The following RNF125 variants were observed in gnomAD, a reference collection of about 807,000 sequenced individuals.
RNF125 encodes the protein E3 ubiquitin-protein ligase RNF125.
A neutral mutation model predicts 26.0 loss-of-function variants in RNF125; 21 were observed. The ratio of observed to expected loss-of-function variants is 0.81; its 90% confidence interval spans 0.57 to 1.16. The LOEUF (loss-of-function observed/expected upper bound fraction) is 1.16. Ranked by LOEUF, RNF125 falls within the 50% of genes most tolerant of loss-of-function variation. The probability of loss-of-function intolerance (pLI) is 0.00; values close to 1 mark genes in which losing one functional copy is unlikely to be tolerated. For missense variants in RNF125, 270 were observed against 299.4 expected (o/e 0.90, Z 0.72); for synonymous variants, 95 against 109.2 (o/e 0.87, Z 0.81).
intron 1 of RNF125, among the ~76,000 whole-genome samples, chr18:32,022,018 A>C (rs1206213421): frequency 1.8e-4 from 28 of 152,206 alleles, no homozygotes; most frequent in Non-Finnish European, 1.0e-4. Context: ...CACTTTATAA[A>C]TGTTAACCAG....
At position 32,073,138 on chromosome 18, in the gene RNF125, G is replaced by T. The variant is rs901444335; in HGVS notation, c.*4754G>T. ...ATGTGTGATTCTTTTTCTTCTGTAAGTATGTATTGCTATGATAAATAAAAA... is the reference window on the plus strand; with the variant it reads ...ATGTGTGATTCTTTTTCTTCTGTAATTATGTATTGCTATGATAAATAAAAA... On this transcript the variant is annotated 3_prime_UTR_variant, in exon 6 of 6. Transcript: ENST00000217740. 2 of 152,218 alleles carry T rather than the reference G, an allele frequency of 1.3e-5. No individual in the cohort carries two copies. The highest frequency in any genetic ancestry group is 3.9e-4 in the East Asian group (2 of 5,186). 9.4% of individuals were successfully genotyped at this position (152,218 alleles called of 1,614,324 possible). A position where few individuals can be genotyped will look rare whatever the true frequency, so the allele number is the denominator to read the frequency against.
At chr18:32,067,990 A>G (rs1355114052) in intron 5 of RNF125, among the ~76,000 whole-genome samples, 2 of 152,254 alleles carry the variant, frequency 1.3e-5, no homozygotes, top group East Asian at 3.8e-4. Flanking sequence ...TATGTGGAAC[A>G]TAGCACTCTG....
chr18:32,076,505 G>T (rs1039166328), downstream of RNF125, among the ~76,000 whole-genome samples: 7 of 152,020 alleles, frequency 4.6e-5, no homozygotes, highest in African/African-American at 1.7e-4. Flanking sequence ...TTGTAGAAAT[G>T]GAGGTCTCAC....
chr18:32,019,620 C>T (rs79228121), intron 1 of RNF125, among the ~76,000 whole-genome samples: 7,254 of 152,058 alleles, frequency 0.048, 199 homozygotes, highest in Middle Eastern at 0.069. Flanking sequence ...CCAACACAGA[C>T]ACCCAGCCCC....
chr18:32,045,517 T>C (rs1257331893), intron 3 of RNF125, 125 bp from the exon 4 acceptor site: 1 of 480,792 alleles, frequency 2.1e-6, no homozygotes, highest in African/African-American at 2.2e-5. Context: ...GCTGAGATCA[T>C]GCCACTGCAC....
chr18:32,026,347 C>T (rs2039036118), intron 1 of RNF125, among the ~76,000 whole-genome samples: 1 of 145,026 alleles, frequency 6.9e-6, no homozygotes, highest in African/African-American at 2.6e-5. Context: ...CTCCCGGGTT[C>T]AAGCAATTCT....
chr18:32,080,037 G>T, the RNF125 span, among the ~76,000 whole-genome samples: 1 of 152,016 alleles, frequency 6.6e-6, no homozygotes, highest in East Asian at 1.9e-4. Flanking sequence ...TTTTTGTTTT[G>T]TTTTGTTTTG....
intron 4 of RNF125, among the ~76,000 whole-genome samples, chr18:32,058,537 G>A (rs796692993): frequency 1.3e-4 from 20 of 152,074 alleles, no homozygotes; most frequent in African/African-American, 1.7e-4. Flanking sequence ...GTAGAGACAG[G>A]GTTTCACCAC....
chr18:32,048,471 AG>A (rs1191852326), intron 4 of RNF125, among the ~76,000 whole-genome samples: 1 of 151,806 alleles, frequency 6.6e-6, no homozygotes, highest in East Asian at 1.9e-4. Flanking sequence ...TCAAAAAAAA[AG>A]AGAGAAAATC....
chr18:32,081,690 G>A, the RNF125 span, among the ~76,000 whole-genome samples: 1 of 152,054 alleles, frequency 6.6e-6, no homozygotes, highest in Non-Finnish European at 1.5e-5. Context: ...GGAGAGAAAA[G>A]GATACAATTC....
rs1196922449 is a variant in RNF125 at position 32,070,749 on chromosome 18, G to C, written c.*2365G>C. On this transcript the variant is annotated 3_prime_UTR_variant, in exon 6 of 6. Transcript: ENST00000217740. ...TGGAGTCTCGCGCTCTTGTTGCCCA[G>C]GCTGGAGTGCAATGGCACGATCTCG... The C allele has an allele frequency of 1.3e-5, 2 of 149,468 alleles. No homozygotes were observed. The highest frequency in any genetic ancestry group is 3.0e-5 in the Non-Finnish European group (2 of 67,718). The allele number at this position is 149,468 out of a possible 1,614,324, so 9.3% of individuals were successfully genotyped here. A position where few individuals can be genotyped will look rare whatever the true frequency, so the allele number is the denominator to read the frequency against.
rs930382376 is a variant in RNF125, at chr18:32,070,547, C to T, written c.*2163C>T. The T allele has an allele frequency of 1.3e-5, 2 of 152,178 alleles. No individual in the cohort carries two copies. Among genetic ancestry groups the T allele is most frequent in the African/African-American group, 2.4e-5 (1 of 41,446 alleles). 9.4% of individuals were successfully genotyped at this position (152,178 alleles called of 1,614,324 possible). On this transcript the variant is annotated 3_prime_UTR_variant, in exon 6 of 6. Transcript: ENST00000217740. ...CTGAAAGTCCTGGTTTTCAAGAACA[C>T]AGGGCACGATAGAATTAGAACATCC...
intron 1 of RNF125, among the ~76,000 whole-genome samples, chr18:32,026,532 C>T (rs934656293): frequency 5.3e-5 from 8 of 151,750 alleles, no homozygotes; most frequent in African/African-American, 1.7e-4. Context: ...GAACCACTGT[C>T]CCCAGCCTGA....
At chr18:32,042,969 C>A (rs758250196) in intron 3 of RNF125, among the ~76,000 whole-genome samples, 31 of 151,182 alleles carry the variant, frequency 2.1e-4, no homozygotes, top group Non-Finnish European at 4.0e-4. Context: ...GGCAACATGG[C>A]GAAACCCCAT....
intron 4 of RNF125, among the ~76,000 whole-genome samples, chr18:32,063,833 A>C (rs1414747853): frequency 6.6e-6 from 1 of 152,176 alleles, no homozygotes; most frequent in East Asian, 1.9e-4. Context: ...TAAATACTGT[A>C]TAGTTCTATT....
chr18:32,031,483 TGGG>T (rs777731068), intron 1 of RNF125: 9 of 38,148 alleles, frequency 2.4e-4, no homozygotes, highest in South Asian at 9.8e-4. Flanking sequence ...ACTCAAATTG[TGGG>T]AAAAAAAAAA....
At chr18:32,021,977 C>T (rs1228284629) in intron 1 of RNF125, among the ~76,000 whole-genome samples, 1 of 152,102 alleles carries the variant, frequency 6.6e-6, no homozygotes, top group Non-Finnish European at 1.5e-5. Context: ...TTCCATATTC[C>T]TCCTTTTGGC....
intron 4 of RNF125, among the ~76,000 whole-genome samples, chr18:32,062,787 A>G (rs1385524161): frequency 6.6e-6 from 1 of 152,098 alleles, no homozygotes; most frequent in Non-Finnish European, 1.5e-5. Context: ...TTCTCTCTGA[A>G]ATTGGGCTCA....
intron 1 of RNF125, among the ~76,000 whole-genome samples, chr18:32,030,201 G>A (rs374083996): frequency 2.0e-5 from 3 of 151,958 alleles, no homozygotes; most frequent in Admixed American, 6.6e-5. Flanking sequence ...ATGCTGCCAC[G>A]CCCAACTAAT....
Sources: allele counts gnomAD v4.1 joint callset (sites outside exome capture counted in the v4.1 genomes callset), GRCh38; gene constraint gnomAD v4.1.1; transcripts MANE v1.5; gene names NCBI Gene and HGNC (gene_info 2026-07-23, HGNC 2026-07-21).